Variants in ENTREP2 observed in about 807,000 individuals in gnomAD.
ENTREP2 encodes the protein endosomal transmembrane epsin interactor 2.
chr15:29,301,166 A>G, the ENTREP2 span, among the ~76,000 whole-genome samples: 1 of 152,204 alleles, frequency 6.6e-6, no homozygotes, highest in African/African-American at 2.4e-5. Flanking sequence ...CAGTATGATC[A>G]TGGACTATTT....
chr15:29,138,736 G>C, the ENTREP2 span, among the ~76,000 whole-genome samples: 4 of 151,114 alleles, frequency 2.6e-5, no homozygotes, highest in African/African-American at 9.7e-5. Flanking sequence ...TTGAGGGGAA[G>C]ACAGGGACCC....
chr15:29,473,928 G>A, the ENTREP2 span, among the ~76,000 whole-genome samples: 5 of 152,158 alleles, frequency 3.3e-5, no homozygotes, highest in African/African-American at 9.7e-5. Context: ...AGGTCACCCC[G>A]TGGGCCACGG....
At chr15:29,622,021 ACAAAGACAGAAAGTAACATGGTGGTTGC>A in the ENTREP2 span, among the ~76,000 whole-genome samples, 1 of 152,262 alleles carries the variant, frequency 6.6e-6, no homozygotes, top group South Asian at 2.1e-4. Flanking sequence ...CATCAAATTC[ACAAAGACAGAAAGTAACATGGTGGTTGC>A]CAGGGGCCAT....
chr15:29,545,558 G>A, the ENTREP2 span, among the ~76,000 whole-genome samples: 2 of 152,168 alleles, frequency 1.3e-5, no homozygotes, highest in African/African-American at 4.8e-5. Context: ...GTTTATTATA[G>A]TATTTCTTTT....
chr15:29,552,259 A>AT, the ENTREP2 span, among the ~76,000 whole-genome samples: 3 of 152,326 alleles, frequency 2.0e-5, no homozygotes, highest in South Asian at 4.1e-4. Context: ...AAATGTGATA[A>AT]TTTTTTCATT....
the ENTREP2 span, among the ~76,000 whole-genome samples, chr15:29,627,381 A>G: frequency 6.6e-6 from 1 of 152,136 alleles, no homozygotes; most frequent in Non-Finnish European, 1.5e-5. Context: ...CGTCTCTACT[A>G]AAAATACAAA....
At chr15:29,123,513 G>C in the ENTREP2 span, 1 of 1,551,744 alleles carries the variant, frequency 6.4e-7, no homozygotes, top group East Asian at 2.4e-5. Context: ...AGGCCTTGCT[G>C]TCCACTAAAG....
chr15:29,203,341 G>T, the ENTREP2 span, among the ~76,000 whole-genome samples: 1 of 152,204 alleles, frequency 6.6e-6, no homozygotes, highest in African/African-American at 2.4e-5. Context: ...GGCAGAGCTT[G>T]CAGTGAGCTG....
At chr15:29,638,045 C>T in the ENTREP2 span, among the ~76,000 whole-genome samples, 1 of 152,212 alleles carries the variant, frequency 6.6e-6, no homozygotes, top group African/African-American at 2.4e-5. Context: ...GTCACTGCAC[C>T]TAACTGCGTT....
chr15:29,496,080 T>C, the ENTREP2 span, among the ~76,000 whole-genome samples: 5 of 152,074 alleles, frequency 3.3e-5, no homozygotes, highest in African/African-American at 1.2e-4. Flanking sequence ...CCATTTCTTT[T>C]ATCAATGTTT....
At chr15:29,470,691 TG>T in the ENTREP2 span, among the ~76,000 whole-genome samples, 1 of 152,202 alleles carries the variant, frequency 6.6e-6, no homozygotes, top group Non-Finnish European at 1.5e-5. Context: ...ATCCTGACAG[TG>T]GCCAGCTCGG....
the ENTREP2 span, among the ~76,000 whole-genome samples, chr15:29,333,127 A>T: frequency 6.6e-6 from 1 of 152,152 alleles, no homozygotes; most frequent in South Asian, 2.1e-4. Flanking sequence ...CTAGAGCCTG[A>T]GGAGACCCAC....
chr15:29,544,388 T>C, the ENTREP2 span, among the ~76,000 whole-genome samples: 1 of 152,082 alleles, frequency 6.6e-6, no homozygotes, highest in Non-Finnish European at 1.5e-5. Context: ...GCTTCACTTT[T>C]GCAAGATGAG....
At chr15:29,615,582 G>A in the ENTREP2 span, among the ~76,000 whole-genome samples, 3 of 152,080 alleles carry the variant, frequency 2.0e-5, no homozygotes, top group African/African-American at 4.8e-5. Flanking sequence ...CCCTTAAAAG[G>A]TGTAACATCC....
At chr15:29,628,907 A>T in the ENTREP2 span, among the ~76,000 whole-genome samples, 1 of 151,876 alleles carries the variant, frequency 6.6e-6, no homozygotes, top group African/African-American at 2.4e-5. Flanking sequence ...GCGCCAACAC[A>T]CCCGGCTAAT....
chr15:29,150,630 G>A, the ENTREP2 span, among the ~76,000 whole-genome samples: 2 of 152,164 alleles, frequency 1.3e-5, no homozygotes, highest in Non-Finnish European at 2.9e-5. Flanking sequence ...TTCAGAAAGG[G>A]CAGCCTGGCT....
chr15:29,363,191 T>A, the ENTREP2 span, among the ~76,000 whole-genome samples: 3 of 152,322 alleles, frequency 2.0e-5, no homozygotes, highest in East Asian at 5.8e-4. Flanking sequence ...CGACCTTGAC[T>A]GTAAGAAATC....
the ENTREP2 span, among the ~76,000 whole-genome samples, chr15:29,397,648 A>G: frequency 1.3e-5 from 2 of 152,368 alleles, no homozygotes; most frequent in Non-Finnish European, 2.9e-5. Flanking sequence ...ATAACTTGCT[A>G]AATTACTACA....
the ENTREP2 span, among the ~76,000 whole-genome samples, chr15:29,612,379 T>C: frequency 6.6e-6 from 1 of 152,104 alleles, no homozygotes; most frequent in African/African-American, 2.4e-5. Flanking sequence ...TGAGTTTGGT[T>C]CTGGGCTGGA....
Sources: gnomAD v4.1 joint callset for allele counts (sites outside exome capture counted in the v4.1 genomes callset) on GRCh38, gnomAD v4.1.1 for gene constraint, MANE v1.5 for transcripts, NCBI Gene and HGNC (gene_info 2026-07-23, HGNC 2026-07-21) for gene names.